LRRC37A2: variants seen among roughly 807,000 people sequenced by gnomAD.
The protein encoded by LRRC37A2 is leucine rich repeat containing 37 member A2.
A neutral mutation model predicts 68.8 loss-of-function variants in LRRC37A2; 9 were observed. The ratio of observed to expected loss-of-function variants is 0.13; its 90% CI spans 0.08 to 0.23. LRRC37A2 has a LOEUF of 0.23. LRRC37A2 is among the 10% of genes least tolerant of loss of function. The pLI, the probability that LRRC37A2 is intolerant of heterozygous loss-of-function variation, is 1.00. For missense variants in LRRC37A2, 168 were observed against 950.4 expected, an observed-to-expected ratio of 0.18 and a Z score of 10.82; for synonymous variants, 63 against 367.6, an observed-to-expected ratio of 0.17 and a Z score of 9.48.
chr17:46,789,412 C>T, the LRRC37A2 span, among the ~76,000 whole-genome samples: 1 of 152,188 alleles, frequency 6.6e-6, no homozygotes, highest in African/African-American at 2.4e-5. Context: ...GGCTCCAACA[C>T]CAGCGTGGCA....
At chr17:46,768,886 C>A in the LRRC37A2 span, 1 of 1,548,560 alleles carries the variant, frequency 6.5e-7, no homozygotes, top group Non-Finnish European at 8.7e-7. This position sits in a 1 kb window ranked among gnomAD's most constrained non-coding sequence, Gnocchi z 5.0. Context: ...TGCCCACCCC[C>A]TTCCCTCCAG....
the LRRC37A2 span, among the ~76,000 whole-genome samples, chr17:46,754,508 T>A: frequency 2.6e-5 from 4 of 152,080 alleles, no homozygotes; most frequent in Non-Finnish European, 5.9e-5. Context: ...TTTCTTACAA[T>A]AAAAATTCAT....
the LRRC37A2 span, among the ~76,000 whole-genome samples, chr17:46,972,630 G>A: frequency 6.6e-6 from 1 of 152,202 alleles, no homozygotes; most frequent in Non-Finnish European, 1.5e-5. Context: ...CATGTCCCGG[G>A]CTTTCTGCCC....
chr17:47,025,207 A>G, the LRRC37A2 span, among the ~76,000 whole-genome samples: 1 of 152,204 alleles, frequency 6.6e-6, no homozygotes. Flanking sequence ...AAAGCCTAAA[A>G]TATTTACTGT....
the LRRC37A2 span, among the ~76,000 whole-genome samples, chr17:47,025,412 T>A: frequency 3.9e-5 from 6 of 152,290 alleles, no homozygotes; most frequent in African/African-American, 9.6e-5. Flanking sequence ...CTGAATTATA[T>A]CAATAATATT....
chr17:46,882,098 G>C, the LRRC37A2 span, among the ~76,000 whole-genome samples: 3 of 152,212 alleles, frequency 2.0e-5, no homozygotes, highest in African/African-American at 7.2e-5. Context: ...CGAGGATATA[G>C]TGAGCTGTGA....
At chr17:47,035,799 T>A in the LRRC37A2 span, among the ~76,000 whole-genome samples, 3 of 152,188 alleles carry the variant, frequency 2.0e-5, no homozygotes, top group Non-Finnish European at 2.9e-5. Context: ...GGGTTTCAAT[T>A]TCCCCGGGTC....
At chr17:47,007,536 T>A in the LRRC37A2 span, among the ~76,000 whole-genome samples, 1 of 152,248 alleles carries the variant, frequency 6.6e-6, no homozygotes, top group Non-Finnish European at 1.5e-5. Flanking sequence ...TTGGAATTAT[T>A]TCTAAACAGA....
chr17:46,810,859 G>A, the LRRC37A2 span, among the ~76,000 whole-genome samples: 2 of 152,092 alleles, frequency 1.3e-5, no homozygotes, highest in South Asian at 4.1e-4. Flanking sequence ...TATCAAGATG[G>A]TGGCAGAGCC....
At chr17:46,876,047 G>T in the LRRC37A2 span, among the ~76,000 whole-genome samples, 9 of 152,184 alleles carry the variant, frequency 5.9e-5, no homozygotes, top group Admixed American at 2.0e-4. Flanking sequence ...CAGTTGGTGT[G>T]AACTGGGACT....
the LRRC37A2 span, among the ~76,000 whole-genome samples, chr17:46,944,359 C>T: frequency 6.6e-6 from 1 of 152,218 alleles, no homozygotes; most frequent in African/African-American, 2.4e-5. Context: ...CCACGGGCCA[C>T]ACACCTCTCA....
At chr17:46,882,019 A>G in the LRRC37A2 span, among the ~76,000 whole-genome samples, 2 of 152,288 alleles carry the variant, frequency 1.3e-5, no homozygotes, top group South Asian at 4.2e-4. Flanking sequence ...CTGGCCAGGC[A>G]CAGGTTCACA....
chr17:46,788,615 A>T, the LRRC37A2 span, among the ~76,000 whole-genome samples: 2 of 152,138 alleles, frequency 1.3e-5, no homozygotes. Flanking sequence ...GTCACAGGTA[A>T]CCTTCAATGC....
chr17:47,016,188 C>CAGAAGG, the LRRC37A2 span, among the ~76,000 whole-genome samples: 1 of 152,066 alleles, frequency 6.6e-6, no homozygotes, highest in South Asian at 2.1e-4. Context: ...CAGTGATCCC[C>CAGAAGG]CCACCTCGGC....
At chr17:46,764,974 T>C in the LRRC37A2 span, among the ~76,000 whole-genome samples, 2 of 152,256 alleles carry the variant, frequency 1.3e-5, no homozygotes, top group Non-Finnish European at 2.9e-5. Context: ...CCAAGTCAAC[T>C]GCTGTGCTGG....
the LRRC37A2 span, among the ~76,000 whole-genome samples, chr17:46,896,452 A>AAGAAAGAAAGAAAGAAAGAAAGAGAAAG: frequency 1.5e-5 from 1 of 65,834 alleles, no homozygotes; most frequent in East Asian, 5.2e-4. Flanking sequence ...GAAAGAAAGA[A>AAGAAAGAAAGAAAGAAAGAAAGAGAAAG]AAAGAAAGAA....
At chr17:47,030,878 A>C in the LRRC37A2 span, among the ~76,000 whole-genome samples, 1 of 152,184 alleles carries the variant, frequency 6.6e-6, no homozygotes, top group Non-Finnish European at 1.5e-5. Flanking sequence ...TTTGTAAAAA[A>C]CAAACAAAAA....
chr17:46,921,497 T>C, the LRRC37A2 span, among the ~76,000 whole-genome samples: 1 of 152,246 alleles, frequency 6.6e-6, no homozygotes, highest in Admixed American at 6.5e-5. Context: ...CTAATTAAAC[T>C]AAAGAGCTTC....
At chr17:46,768,235 A>G in the LRRC37A2 span, 1 of 1,593,016 alleles carries the variant, frequency 6.3e-7, no homozygotes. The surrounding 1 kb of genome is among the most constrained non-coding windows in gnomAD (Gnocchi z 5.0). Context: ...GGGGGTCGTC[A>G]AGAAGACGAG....
Sources: allele counts gnomAD v4.1 joint callset (sites outside exome capture counted in the v4.1 genomes callset), GRCh38; gene constraint gnomAD v4.1.1; non-coding constraint Gnocchi (gnomAD v3.1); transcripts MANE v1.5; gene names NCBI Gene and HGNC (gene_info 2026-07-23, HGNC 2026-07-21).